RIPK1: variants seen among roughly 807,000 people sequenced by gnomAD.
RIPK1 encodes the protein receptor-interacting serine/threonine-protein kinase 1.
In RIPK1, 27 loss-of-function variants were observed where a neutral mutation model predicts 62.4. That is an observed-to-expected ratio of 0.43 (90% CI 0.32 to 0.60). RIPK1 has a LOEUF of 0.60. RIPK1 is among the 20% of genes least tolerant of loss of function. The probability of loss-of-function intolerance (pLI) is 0.07; values close to 1 mark genes in which losing one functional copy is unlikely to be tolerated. For synonymous variants in RIPK1, 287 were observed against 303.2 expected (o/e 0.95, Z 0.55); for missense variants, 735 against 831.0 (o/e 0.88, Z 1.42).
intron 1 of RIPK1, among the ~76,000 whole-genome samples, chr6:3,071,061 C>G (rs146026524): frequency 6.6e-6 from 1 of 152,208 alleles, no homozygotes; most frequent in African/African-American, 2.4e-5. Flanking sequence ...ATTCTTGTCT[C>G]TTGCTGGTCC....
chr6:3,094,022 TACCTGCCGCACCTAGTAACTGC>T, intron 7 of RIPK1, among the ~76,000 whole-genome samples: 1 of 143,140 alleles, frequency 7.0e-6, no homozygotes, highest in Non-Finnish European at 1.5e-5. Context: ...GCAGCGCGCC[TACCTGCCGCACCTAGTAACTGC>T]AGCGCGCCTA....
intron 1 of RIPK1, among the ~76,000 whole-genome samples, chr6:3,069,672 T>G (rs747884314): frequency 2.6e-5 from 4 of 152,236 alleles, no homozygotes; most frequent in Non-Finnish European, 5.9e-5. Flanking sequence ...ATTCTGTGAC[T>G]GCTAGGAAGA....
rs1760776322 is a variant in RIPK1, at chr6:3,105,142, G to A, written c.1007-340G>A. Among the ~76,000 whole-genome samples, 3 of 152,142 alleles carry A rather than the reference G, an allele frequency of 2.0e-5. No individual in the cohort carries two copies. Among genetic ancestry groups the A allele is most frequent in the South Asian group, 2.1e-4 (1 of 4,826 alleles). On this transcript the variant is annotated intron_variant, in intron 8 of 10. Transcript: ENST00000259808. This position sits in a 1 kb window ranked among gnomAD's most constrained non-coding sequence, Gnocchi z 4.5. ...GCTAGGATTACAGGCGTGAGCCACCGCACCCAGCCACAGATCTTATTTTCC... is the reference window on the plus strand; with the variant it reads ...GCTAGGATTACAGGCGTGAGCCACCACACCCAGCCACAGATCTTATTTTCC...
chr6:3,096,615 A>G (rs1036355426), intron 7 of RIPK1, among the ~76,000 whole-genome samples: 2 of 129,050 alleles, frequency 1.5e-5, no homozygotes. Flanking sequence ...GCTGGAGTGC[A>G]GTGGCATGAT....
chr6:3,095,557 C>G (rs563341362), intron 7 of RIPK1, among the ~76,000 whole-genome samples: 17 of 152,302 alleles, frequency 1.1e-4, no homozygotes, highest in African/African-American at 4.1e-4. Context: ...AAATAAAATA[C>G]TATAAACAAA....
In RIPK1 at chr6:3,077,823, T is replaced by A. The variant is rs1759160486; in HGVS notation, c.209T>A (p.Leu70Gln). The change falls in exon 3 of 11, where the codon CTG becomes CAG. Residue 70 changes from leucine to glutamine, a missense_variant. Physicochemically the swap from Leu to Gln is moderately radical, Grantham distance 113 (BLOSUM62 -2). Around this residue, in one of 2 missense-constraint regions of RIPK1, gnomAD observed 671 missense variants for 726.2 expected, o/e 0.92. Coordinates refer to ENST00000259808, the MANE Select transcript of RIPK1 (RefSeq NM_001354930.2). ...GAGGAGGCGAAGATGATGAACAGACTGAGACACAGCCGGGTGGTGAAGCTC... is the reference window on the plus strand; with the variant it reads ...GAGGAGGCGAAGATGATGAACAGACAGAGACACAGCCGGGTGGTGAAGCTC... ...LLEEAKMMNR[L>Q]RHSRVVKLLG... 1 of 1,614,078 alleles carries A rather than the reference T, an allele frequency of 6.2e-7. No individual in the cohort carries two copies. The highest frequency in any genetic ancestry group is 1.7e-5 in the Admixed American group (1 of 60,012).
chr6:3,088,384 G>A (rs575989800), intron 6 of RIPK1, among the ~76,000 whole-genome samples: 13 of 152,348 alleles, frequency 8.5e-5, no homozygotes, highest in Non-Finnish European at 1.5e-4. Flanking sequence ...TAAAAGTCCC[G>A]ATTCTCCACT....
At chr6:3,068,245 A>C (rs1160022104), upstream of RIPK1, 1 of 985,392 alleles carries the variant, frequency 1.0e-6, no homozygotes, top group Non-Finnish European at 1.2e-6. Context: ...TCCTCCGGAT[A>C]GCGCCCCCGC....
upstream of RIPK1, chr6:3,068,420 C>G (rs1437952403): frequency 3.0e-6 from 3 of 985,366 alleles, no homozygotes; most frequent in Non-Finnish European, 3.6e-6. Flanking sequence ...CGAGGTCCCA[C>G]GAGCGGCGGG....
chr6:3,067,867 C>T (rs1210809482), upstream of RIPK1, among the ~76,000 whole-genome samples: 3 of 151,956 alleles, frequency 2.0e-5, no homozygotes, highest in African/African-American at 4.8e-5. Context: ...CTCAGCCTCC[C>T]GAGTAGCTGG....
intron 7 of RIPK1, among the ~76,000 whole-genome samples, chr6:3,090,884 G>GAGTACCTACCTGC (rs1760042247): frequency 1.4e-5 from 1 of 70,866 alleles, no homozygotes; most frequent in Non-Finnish European, 2.3e-5. Context: ...AGTAACCGCA[G>GAGTACCTACCTGC]CGCGCCTACC....
In RIPK1 at chr6:3,072,011, T is replaced by C. The variant is rs1758737498; in HGVS notation, c.-61+3350T>C. Among the ~76,000 whole-genome samples, 1 of 152,246 alleles carries C rather than the reference T, an allele frequency of 6.6e-6. No homozygotes were observed. The highest frequency in any genetic ancestry group is 1.5e-5 in the Non-Finnish European group (1 of 68,040). On this transcript the variant is annotated intron_variant, in intron 1 of 10. Transcript: ENST00000259808. The surrounding 1 kb of genome is among the most constrained non-coding windows in gnomAD (Gnocchi z 5.6). Reference sequence around the variant, plus strand: ...TTTTTAAATATTATTAAACATTCTTTCACAACATCGCTTTTGCAAACTGCT... The same window carrying C: ...TTTTTAAATATTATTAAACATTCTTCCACAACATCGCTTTTGCAAACTGCT...
At chr6:3,094,767 C>T (rs982801501) in intron 7 of RIPK1, among the ~76,000 whole-genome samples, 1 of 151,938 alleles carries the variant, frequency 6.6e-6, no homozygotes. Flanking sequence ...AAGGCTAATA[C>T]AATAGACTAA....
At position 3,085,394 on chromosome 6, in the gene RIPK1, G is replaced by A. The variant is rs1759636261; in HGVS notation, c.824G>A (p.Arg275Gln). 2.5e-6 allele frequency: 4 copies of A among 1,614,144 alleles called. No individual in the cohort carries two copies. The highest frequency in any genetic ancestry group is 3.4e-6 in the Non-Finnish European group (4 of 1,180,022). The change falls in exon 6 of 11, where the codon CGG becomes CAG. Residue 275 changes from arginine (R) to glutamine (Q), a missense_variant. Around this residue, in one of 2 missense-constraint regions of RIPK1, gnomAD observed 671 missense variants for 726.2 expected, o/e 0.92. Transcript: ENST00000259808. Reference sequence around the variant, plus strand: ...TGCTGGGAAGCGAATCCGGAAGCTCGGCCGACATTTCCTGGTAAGAGCATC... The same window carrying A: ...TGCTGGGAAGCGAATCCGGAAGCTCAGCCGACATTTCCTGGTAAGAGCATC... ...KLCWEANPEA[R>Q]PTFPGIEEKF...
At chr6:3,076,102 G>A (rs4959774) in intron 1 of RIPK1, among the ~76,000 whole-genome samples, 116,392 of 152,028 alleles carry the variant, frequency 0.77, 46,840 homozygotes, top group Non-Finnish European at 0.89. Flanking sequence ...TCTGTCCCTA[G>A]AGTTCTTTTC....
At chr6:3,089,681 A>T in intron 7 of RIPK1, 24 bp downstream of exon 7, 1 of 1,222,388 alleles carries the variant, frequency 8.2e-7, no homozygotes, top group South Asian at 1.3e-5. Context: ...CAGATGCTCA[A>T]AATATTAACA....
At chr6:3,073,613 T>C (rs1471514678) in intron 1 of RIPK1, among the ~76,000 whole-genome samples, 1 of 152,100 alleles carries the variant, frequency 6.6e-6, no homozygotes, top group Non-Finnish European at 1.5e-5. Context: ...GGCACTTCTC[T>C]TGTTTGGTAA....
At chr6:3,104,846 G>A (rs1192730494) in intron 8 of RIPK1, among the ~76,000 whole-genome samples, 1 of 151,588 alleles carries the variant, frequency 6.6e-6, no homozygotes, top group African/African-American at 2.4e-5. Context: ...ACATGCTTAG[G>A]ACAGAGCTGC....
In RIPK1 at chr6:3,113,700, T is replaced by C. The variant is rs1379742510; in HGVS notation, c.*361T>C. On this transcript the variant is annotated 3_prime_UTR_variant, in exon 11 of 11. Transcript: ENST00000259808. This position sits in a 1 kb window ranked among gnomAD's most constrained non-coding sequence, Gnocchi z 5.0. Reference sequence around the variant, plus strand: ...GCACCAATAAAAAAATGACTCCTAGTTGTGTTTGGAAAGGGAGAGAAGAGA... The same window carrying C: ...GCACCAATAAAAAAATGACTCCTAGCTGTGTTTGGAAAGGGAGAGAAGAGA... The C allele has an allele frequency of 1.7e-5, 3 of 176,396 alleles. No individual in the cohort carries two copies. Among genetic ancestry groups the C allele is most frequent in the Non-Finnish European group, 3.6e-5 (3 of 84,090 alleles). The allele number at this position is 176,396 out of a possible 1,614,324, so 10.9% of individuals were successfully genotyped here. A position where few individuals can be genotyped will look rare whatever the true frequency, so the allele number is the denominator to read the frequency against.
Sources: allele counts gnomAD v4.1 joint callset (sites outside exome capture counted in the v4.1 genomes callset), GRCh38; gene constraint gnomAD v4.1.1; regional missense constraint gnomAD v4.1.1; non-coding constraint Gnocchi (gnomAD v3.1); transcripts MANE v1.5; gene names NCBI Gene and HGNC (gene_info 2026-07-23, HGNC 2026-07-21).